Variants in ADGRL3 observed in about 807,000 individuals in gnomAD.
ADGRL3 encodes the protein calcium-independent alpha-latrotoxin receptor 3.
ADGRL3 carries 62 observed loss-of-function variants against 153.5 expected under a neutral mutation model. The observed-to-expected ratio is 0.40, with a 90% CI of 0.33 to 0.50. The LOEUF (loss-of-function observed/expected upper bound fraction) is 0.50, where lower values mean the gene tolerates loss of function less well. Among genes scored for constraint, ADGRL3 ranks in the 20% least tolerant of loss-of-function variants. ADGRL3 has a pLI of 0.47. For missense variants in ADGRL3, 1,641 were observed against 1,859.4 expected, an observed-to-expected ratio of 0.88 and a Z score of 2.16; for synonymous variants, 710 against 672.5, an observed-to-expected ratio of 1.06 and a Z score of -0.86.
At chr4:61,738,639 C>A (rs1438386799) in intron 8 of ADGRL3, among the ~76,000 whole-genome samples, 1 of 152,110 alleles carries the variant, frequency 6.6e-6, no homozygotes, top group Non-Finnish European at 1.5e-5. Context: ...GTTATTAATT[C>A]CAGTTCCTTA....
intron 2 of ADGRL3, among the ~76,000 whole-genome samples, chr4:61,460,376 A>G (rs1302040641): frequency 6.6e-6 from 1 of 152,124 alleles, no homozygotes; most frequent in Non-Finnish European, 1.5e-5. Context: ...ATAAAAGGGA[A>G]TGAAATTCTG....
intron 2 of ADGRL3, among the ~76,000 whole-genome samples, chr4:61,433,867 C>T (rs1019869741): frequency 1.3e-5 from 2 of 152,100 alleles, no homozygotes; most frequent in East Asian, 1.9e-4. Context: ...ACCAGTCTTC[C>T]TTATCTCAAT....
chr4:61,821,694 T>C (rs1272680863), intron 9 of ADGRL3, among the ~76,000 whole-genome samples: 1 of 152,158 alleles, frequency 6.6e-6, no homozygotes, highest in Non-Finnish European at 1.5e-5. Context: ...AAATTACAAT[T>C]ATTTTTACCT....
chr4:61,961,499 C>T (rs907045345), intron 17 of ADGRL3, among the ~76,000 whole-genome samples: 1 of 152,142 alleles, frequency 6.6e-6, no homozygotes, highest in African/African-American at 2.4e-5. Flanking sequence ...GAGAAAGCTG[C>T]CTTCCTTACT....
intron 1 of ADGRL3, among the ~76,000 whole-genome samples, chr4:61,375,414 A>C (rs1219249756): frequency 2.0e-5 from 3 of 152,070 alleles, no homozygotes; most frequent in Non-Finnish European, 4.4e-5. Context: ...TTCTTGCTCA[A>C]ATTTTGGACA....
chr4:61,539,824 C>A (rs2148609656), intron 4 of ADGRL3, among the ~76,000 whole-genome samples: 1 of 152,260 alleles, frequency 6.6e-6, no homozygotes, highest in African/African-American at 2.4e-5. Context: ...ACCTACCCTT[C>A]CCACAGGGCT....
chr4:61,979,963 A>G (rs766553491), intron 18 of ADGRL3, among the ~76,000 whole-genome samples, 191 bp downstream of exon 18: 13 of 152,204 alleles, frequency 8.5e-5, no homozygotes, highest in Non-Finnish European at 1.9e-4. Flanking sequence ...AAACTTTATG[A>G]ATAAGGTGTA....
chr4:61,920,900 G>A lies in ADGRL3; in HGVS notation c.2112+8143G>A, dbSNP rs530055679. ...AGGTGCAGCTTTGCAGCTGGGCATA[G>A]TGTCCAACGATTCTGTGTCTAACAC... On this transcript the variant is annotated intron_variant, in intron 13 of 26. Transcript: ENST00000683033. 2.6e-5 allele frequency among the ~76,000 whole-genome samples: 4 copies of A among 152,276 alleles called. No homozygotes were observed. In the East Asian group the frequency reaches 7.8e-4, roughly 30 times the overall value.
At chr4:61,915,994 T>A (rs2098743532) in intron 13 of ADGRL3, among the ~76,000 whole-genome samples, 1 of 152,150 alleles carries the variant, frequency 6.6e-6, no homozygotes. Context: ...CATTTAGATG[T>A]CAATTACTTA....
chr4:61,697,358 C>G (rs967571863), intron 6 of ADGRL3, among the ~76,000 whole-genome samples: 1 of 151,902 alleles, frequency 6.6e-6, no homozygotes, highest in Non-Finnish European at 1.5e-5. Flanking sequence ...GTCAGGAGTT[C>G]AAGACCAGCC....
At chr4:61,760,689 A>C (rs1580690327) in intron 8 of ADGRL3, among the ~76,000 whole-genome samples, 1 of 152,246 alleles carries the variant, frequency 6.6e-6, no homozygotes, top group East Asian at 1.9e-4. Flanking sequence ...GACACTCCCC[A>C]GTGAGATGAG....
chr4:61,728,523 G>A (rs1359043462), intron 6 of ADGRL3, among the ~76,000 whole-genome samples: 1 of 152,046 alleles, frequency 6.6e-6, no homozygotes, highest in Non-Finnish European at 1.5e-5. Context: ...ATTTGTTGAA[G>A]AGAGAAATAA....
intron 21 of ADGRL3, among the ~76,000 whole-genome samples, chr4:62,020,001 C>T (rs1428328035): frequency 6.6e-6 from 1 of 152,098 alleles, no homozygotes; most frequent in South Asian, 2.1e-4. Context: ...TCCAACTGTG[C>T]TGCAGTGCCT....
At chr4:61,385,760 A>G (rs2096728528) in intron 2 of ADGRL3, 1 of 152,216 alleles carries the variant, frequency 6.6e-6, no homozygotes, top group Non-Finnish European at 1.5e-5. Context: ...TTTCACCAAC[A>G]TTAAGTACCA....
chr4:61,798,200 G>C (rs2152468442), intron 8 of ADGRL3, among the ~76,000 whole-genome samples: 1 of 152,222 alleles, frequency 6.6e-6, no homozygotes, highest in Non-Finnish European at 1.5e-5. Context: ...AAAATAGCAA[G>C]GGGTAACGAG....
intron 9 of ADGRL3, among the ~76,000 whole-genome samples, chr4:61,860,014 C>T (rs928796999): frequency 1.3e-5 from 2 of 152,140 alleles, no homozygotes; most frequent in Non-Finnish European, 2.9e-5. Flanking sequence ...AATAAAAATC[C>T]TTATACTCAC....
chr4:61,977,633 C>T (rs1280551628), intron 17 of ADGRL3, among the ~76,000 whole-genome samples: 1 of 152,036 alleles, frequency 6.6e-6, no homozygotes, highest in South Asian at 2.1e-4. Context: ...ACTGTGAAGT[C>T]GTATCTGGCA....
At chr4:61,347,536 A>G (rs1484846762) in intron 1 of ADGRL3, among the ~76,000 whole-genome samples, 3 of 152,158 alleles carry the variant, frequency 2.0e-5, no homozygotes, top group Non-Finnish European at 2.9e-5. Flanking sequence ...AATGCAATGT[A>G]TGCCTACGTT....
intron 4 of ADGRL3, among the ~76,000 whole-genome samples, chr4:61,577,170 G>A (rs373276918): frequency 7.4e-6 from 1 of 134,416 alleles, no homozygotes; most frequent in African/African-American, 2.7e-5. Flanking sequence ...GTGTGTGTAT[G>A]TGTGTGTGTG....
Sources: gnomAD v4.1 joint callset for allele counts (sites outside exome capture counted in the v4.1 genomes callset) on GRCh38, gnomAD v4.1.1 for gene constraint, MANE v1.5 for transcripts, NCBI Gene and HGNC (gene_info 2026-07-23, HGNC 2026-07-21) for gene names.